Variants in CAMK2B observed in about 807,000 individuals in gnomAD.
CAMK2B encodes calcium/calmodulin dependent protein kinase II beta.
Under a neutral mutation model 93.7 loss-of-function variants are expected in CAMK2B, and 27 were observed. The ratio of observed to expected loss-of-function variants is 0.29; its 90% confidence interval spans 0.21 to 0.40. The LOEUF is 0.40. Ranked by LOEUF, CAMK2B falls within the 10% of genes least tolerant of loss-of-function variation. CAMK2B has a pLI of 1.00. For synonymous variants in CAMK2B, 374 were observed against 358.8 expected (o/e 1.04, Z -0.48); for missense variants, 568 against 895.8 (o/e 0.63, Z 4.67).
intron 1 of CAMK2B, among the ~76,000 whole-genome samples, chr7:44,323,537 G>A (rs1001968010): frequency 1.3e-5 from 2 of 152,240 alleles, no homozygotes; most frequent in Non-Finnish European, 1.5e-5. Context: ...GGCTCAGCGG[G>A]GAGCTGGCCA....
chr7:44,236,464 G>C (rs1235871160), intron 13 of CAMK2B, among the ~76,000 whole-genome samples: 2 of 152,184 alleles, frequency 1.3e-5, no homozygotes, highest in African/African-American at 4.8e-5. Context: ...CCGTCCCCAG[G>C]CCTAAGGCCC....
At chr7:44,309,507 C>A (rs1792900173) in intron 1 of CAMK2B, among the ~76,000 whole-genome samples, 1 of 152,216 alleles carries the variant, frequency 6.6e-6, no homozygotes, top group African/African-American at 2.4e-5. Context: ...ATCAGGTCCC[C>A]AGCTCCGTCG....
At chr7:44,283,844 A>AC (rs1272934544) in intron 2 of CAMK2B, among the ~76,000 whole-genome samples, 1 of 152,052 alleles carries the variant, frequency 6.6e-6, no homozygotes, top group African/African-American at 2.4e-5. Context: ...GAACAACCTA[A>AC]CCAGAGCACA....
rs556361464 is a variant in CAMK2B, at chr7:44,265,394, C to T, written c.161-2330G>A. On this transcript the variant is annotated intron_variant, in intron 2 of 23. Transcript: ENST00000395749. ...CAATAAAGTTGATGGCTAATCTTTCCCCAGGACAGGATCCAAGCCCAGGAC... is the reference window on the plus strand; with the variant it reads ...CAATAAAGTTGATGGCTAATCTTTCTCCAGGACAGGATCCAAGCCCAGGAC... Among the ~76,000 whole-genome samples, 3 of 152,336 alleles carry T rather than the reference C, an allele frequency of 2.0e-5. No individual in the cohort carries two copies. In the East Asian group the frequency reaches 5.8e-4, roughly 29 times the overall value.
chr7:44,315,119 A>G (rs1794551179), intron 1 of CAMK2B, among the ~76,000 whole-genome samples: 1 of 152,178 alleles, frequency 6.6e-6, no homozygotes, highest in Non-Finnish European at 1.5e-5. Context: ...TTCGTTGTTT[A>G]TGCTTGTGGT....
chr7:44,226,041 C>CG, intron 20 of CAMK2B: 1 of 535,174 alleles, frequency 1.9e-6, no homozygotes, highest in South Asian at 1.9e-5. Context: ...TCCGCGCCTC[C>CG]CGATCCCCAC....
intron 1 of CAMK2B, among the ~76,000 whole-genome samples, chr7:44,304,966 G>A (rs1347331548): frequency 6.6e-6 from 1 of 150,436 alleles, no homozygotes; most frequent in African/African-American, 2.5e-5. Flanking sequence ...TAAAACACCA[G>A]GATAGAGAAG....
intron 22 of CAMK2B, 38 bp downstream of exon 22, chr7:44,220,578 C>T (rs1235389324): frequency 6.5e-7 from 1 of 1,549,468 alleles, no homozygotes; most frequent in Non-Finnish European, 8.9e-7. Flanking sequence ...CTCCTGGGGG[C>T]ACCGCCCCCT....
At position 44,243,464 on chromosome 7, in the gene CAMK2B, G is replaced by A; in HGVS notation, c.478C>T (p.Leu160=). The change falls in exon 7 of 24, where the codon CTA becomes TTA. Residue 160 remains leucine (L), a synonymous_variant. Coordinates refer to ENST00000395749, the MANE Select transcript of CAMK2B (RefSeq NM_001220.5). ...GAAVKLADFG[L]AIEVQGDQQA... is the part of the protein sequence containing the mutation. Reference sequence around the variant, plus strand: ...TGGTCCCCCTGCACCTCGATAGCTAGGCCGAAGTCTGCCAGCTTCACTGCA... The same window carrying A: ...TGGTCCCCCTGCACCTCGATAGCTAAGCCGAAGTCTGCCAGCTTCACTGCA... 6.2e-7 allele frequency: 1 copy of A among 1,614,086 alleles called. No homozygotes were observed. The highest frequency in any genetic ancestry group is 1.3e-5 in the African/African-American group (1 of 75,026).
At chr7:44,237,251 T>C (rs1482010233) in intron 13 of CAMK2B, among the ~76,000 whole-genome samples, 1 of 152,224 alleles carries the variant, frequency 6.6e-6, no homozygotes, top group Non-Finnish European at 1.5e-5. Context: ...TCCTTGGTAC[T>C]AAGAGGGTTC....
chr7:44,287,973 T>C (rs1053801141), intron 1 of CAMK2B, among the ~76,000 whole-genome samples: 3 of 152,226 alleles, frequency 2.0e-5, no homozygotes, highest in African/African-American at 4.8e-5. Context: ...TGGGCTGTGA[T>C]ATAGGAGCCA....
intron 2 of CAMK2B, among the ~76,000 whole-genome samples, chr7:44,281,463 C>T (rs10250265): frequency 0.21 from 32,397 of 152,128 alleles, 4,245 homozygotes; most frequent in Middle Eastern, 0.31. Context: ...CCACACTGAC[C>T]CACGACTCCC....
Position 44,229,381 on chromosome 7 carries a change from T to C in CAMK2B, c.1339+7A>G. On this transcript the variant is annotated splice_region_variant and intron_variant, in intron 18 of 23. Coordinates refer to ENST00000395749, the MANE Select transcript of CAMK2B (RefSeq NM_001220.5). Reference sequence around the variant, plus strand: ...ACCCCCACAGCAGCAGGACCCAGGCTACTTACATGGGGCTGGCAGGGGGCT... The same window carrying C: ...ACCCCCACAGCAGCAGGACCCAGGCCACTTACATGGGGCTGGCAGGGGGCT... 1 of 1,516,934 alleles carries C rather than the reference T, an allele frequency of 6.6e-7. No homozygotes were observed. Among genetic ancestry groups the C allele is most frequent in the Middle Eastern group, 1.7e-4 (1 of 5,864 alleles). The allele number at this position is 1,516,934 out of a possible 1,614,324, so 94.0% of individuals were successfully genotyped here.
At chr7:44,222,132 A>G (rs1290108283) in intron 20 of CAMK2B, among the ~76,000 whole-genome samples, 2 of 152,188 alleles carry the variant, frequency 1.3e-5, no homozygotes, top group Non-Finnish European at 2.9e-5. Flanking sequence ...CACACGAGTA[A>G]CAGTGGTTTC....
intron 2 of CAMK2B, among the ~76,000 whole-genome samples, chr7:44,270,614 C>T (rs1167576404): frequency 6.6e-6 from 1 of 152,250 alleles, no homozygotes; most frequent in Non-Finnish European, 1.5e-5. Flanking sequence ...AAACTGGCTG[C>T]ATCCAAATCC....
rs536063432 is a variant in CAMK2B, at chr7:44,237,636, C to T, written c.1021+1953G>A. Among the ~76,000 whole-genome samples the T allele has an allele frequency of 2.1e-3, 316 of 152,366 alleles. 1 individual carries two copies. The highest frequency in any genetic ancestry group is 6.8e-3 in the Middle Eastern group (2 of 294). ...TTCACATCTCTGCCTGGGACTAACT[C>T]CAGATTCACCGTGGCCAGAGTCCTG... On this transcript the variant is annotated intron_variant, in intron 13 of 23. Transcript: ENST00000395749.
At chr7:44,303,221 C>G (rs1279591794) in intron 1 of CAMK2B, among the ~76,000 whole-genome samples, 2 of 152,098 alleles carry the variant, frequency 1.3e-5, no homozygotes, top group Non-Finnish European at 2.9e-5. Flanking sequence ...TATATGAGGA[C>G]ATTTACAAAA....
At chr7:44,284,287 A>G in intron 1 of CAMK2B, 62 bp from the exon 2 acceptor site, 7 of 1,218,994 alleles carry the variant, frequency 5.7e-6, no homozygotes, top group Non-Finnish European at 8.3e-6. Context: ...AAAGAGAGAG[A>G]GCCGATTAAT....
intron 6 of CAMK2B, 39 bp downstream of exon 6, chr7:44,247,081 G>C (rs1429244583): frequency 1.3e-6 from 2 of 1,539,728 alleles, no homozygotes; most frequent in Non-Finnish European, 1.8e-6. Flanking sequence ...TGCAGGTACA[G>C]ACAACAGACA....
Sources: allele counts gnomAD v4.1 joint callset (sites outside exome capture counted in the v4.1 genomes callset), GRCh38; gene constraint gnomAD v4.1.1; transcripts MANE v1.5; gene names NCBI Gene and HGNC (gene_info 2026-07-23, HGNC 2026-07-21).